DLG2: variants seen among roughly 807,000 people sequenced by gnomAD.
The protein encoded by DLG2 is disks large homolog 2.
Under a neutral mutation model 132.5 loss-of-function variants are expected in DLG2, and 45 were observed. That is an observed-to-expected ratio of 0.34 (90% CI 0.27 to 0.44). The LOEUF (loss-of-function observed/expected upper bound fraction) is 0.44. Among genes scored for constraint, DLG2 ranks in the 20% least tolerant of loss-of-function variants. The pLI is 1.00. For synonymous variants in DLG2, 424 were observed against 419.6 expected (o/e 1.01, Z -0.13); for missense variants, 1,045 against 1,196.9 (o/e 0.87, Z 1.87).
At chr11:83,713,921 T>C (rs2086080852) in intron 18 of DLG2, among the ~76,000 whole-genome samples, 1 of 152,188 alleles carries the variant, frequency 6.6e-6, no homozygotes, top group Non-Finnish European at 1.5e-5. Flanking sequence ...CAGATGTCTT[T>C]TCAGCAGAGA....
intron 7 of DLG2, among the ~76,000 whole-genome samples, chr11:84,456,023 A>G (rs118133382): frequency 1.5e-3 from 221 of 151,376 alleles, no homozygotes; most frequent in Non-Finnish European, 2.3e-3. Flanking sequence ...CATAACCCTC[A>G]TCAAGCAAGT....
chr11:85,066,849 C>T, intron 6 of DLG2, among the ~76,000 whole-genome samples: 1 of 151,726 alleles, frequency 6.6e-6, no homozygotes, highest in Non-Finnish European at 1.5e-5. Context: ...AAGTTGAAAG[C>T]ATTCTCCCTA....
chr11:84,368,328 T>A (rs1187047082), intron 7 of DLG2, among the ~76,000 whole-genome samples: 1 of 152,138 alleles, frequency 6.6e-6, no homozygotes, highest in African/African-American at 2.4e-5. Context: ...ATTCTTATAA[T>A]TCTCTCATCT....
intron 3 of DLG2, among the ~76,000 whole-genome samples, chr11:85,456,133 A>T (rs2092414588): frequency 6.6e-6 from 1 of 152,046 alleles, no homozygotes; most frequent in Non-Finnish European, 1.5e-5. Context: ...TAGGCTTTTT[A>T]TTACTGATTC....
At chr11:84,022,869 GC>G (rs2095434712) in intron 11 of DLG2, among the ~76,000 whole-genome samples, 1 of 152,096 alleles carries the variant, frequency 6.6e-6, no homozygotes, top group South Asian at 2.1e-4. Context: ...TCCTCAAGGA[GC>G]AATAAATCTC....
intron 3 of DLG2, among the ~76,000 whole-genome samples, chr11:85,418,374 A>T (rs924113265): frequency 2.0e-5 from 3 of 152,128 alleles, no homozygotes; most frequent in African/African-American, 4.8e-5. Flanking sequence ...TATGTGGTCA[A>T]TTTTAGAATA....
intron 7 of DLG2, among the ~76,000 whole-genome samples, chr11:84,303,899 T>C (rs888095136): frequency 5.9e-5 from 9 of 152,206 alleles, no homozygotes; most frequent in Non-Finnish European, 2.9e-5. Flanking sequence ...ACTGATTGAG[T>C]GCCTTTATAT....
At chr11:84,383,519 C>A (rs1183531629) in intron 7 of DLG2, among the ~76,000 whole-genome samples, 1 of 152,052 alleles carries the variant, frequency 6.6e-6, no homozygotes. Context: ...TTATATAAGA[C>A]ACACTTCTTA....
Position 84,989,443 on chromosome 11 carries a change from C to T in DLG2, c.357+122218G>A, listed in dbSNP as rs562791587. Among the ~76,000 whole-genome samples, 9 of 152,002 alleles carry T rather than the reference C, an allele frequency of 5.9e-5. 1 individual carries two copies. Among genetic ancestry groups the T allele is most frequent in the African/African-American group, 1.4e-4 (6 of 41,474 alleles). ...CACCCACCTTGGCCTCCCAAAGTGCCGGGATTACAGGCATGAGCCACCATG... is the reference window on the plus strand; with the variant it reads ...CACCCACCTTGGCCTCCCAAAGTGCTGGGATTACAGGCATGAGCCACCATG... On this transcript the variant is annotated intron_variant, in intron 6 of 27. Coordinates refer to ENST00000376104, the MANE Select transcript of DLG2 (RefSeq NM_001142699.3).
rs778920932 is a variant in DLG2, at chr11:84,535,954, C to CATATATATATATATATATATAT, written c.358-1224_358-1223insATATATATATATATATATATAT. Reference sequence around the variant, plus strand: ...CATCAATGGTTAATTTTTTCATATACATATATATATAAAACTTCTAGGACA... The same window carrying CATATATATATATATATATATAT: ...CATCAATGGTTAATTTTTTCATATACATATATATATATATATATATATATATATATATAAAACTTCTAGGACA... On this transcript the variant is annotated intron_variant, in intron 6 of 27. Coordinates refer to ENST00000376104, the MANE Select transcript of DLG2 (RefSeq NM_001142699.3). Among the ~76,000 whole-genome samples the CATATATATATATATATATATAT allele has an allele frequency of 1.7e-3, 251 of 144,440 alleles. 6 individuals carry two copies. The highest frequency in any genetic ancestry group is 5.5e-3 in the African/African-American group (210 of 38,186). The allele number at this position is 144,440 out of a possible 152,430, so 94.8% of individuals were successfully genotyped here.
At chr11:83,769,560 CT>C (rs143446772) in intron 18 of DLG2, among the ~76,000 whole-genome samples, 2,606 of 124,044 alleles carry the variant, frequency 0.021, 53 homozygotes, top group African/African-American at 0.063. Flanking sequence ...ACTCTAGCTT[CT>C]TTTTTTTTTT....
chr11:84,807,884 A>G (rs1418490468), intron 6 of DLG2, among the ~76,000 whole-genome samples: 2 of 152,188 alleles, frequency 1.3e-5, no homozygotes, highest in African/African-American at 4.8e-5. Flanking sequence ...ACAAATAGAC[A>G]AACACATAAT....
At chr11:85,295,336 T>C (rs889204204) in intron 3 of DLG2, among the ~76,000 whole-genome samples, 3 of 152,152 alleles carry the variant, frequency 2.0e-5, no homozygotes, top group Non-Finnish European at 4.4e-5. Context: ...CAATCTGTGA[T>C]TAAGTATTGG....
intron 7 of DLG2, among the ~76,000 whole-genome samples, chr11:84,365,266 T>C (rs534241303): frequency 6.6e-6 from 1 of 152,346 alleles, no homozygotes; most frequent in African/African-American, 2.4e-5. Context: ...GAGGAATTTA[T>C]CCATTTCTTC....
intron 8 of DLG2, among the ~76,000 whole-genome samples, chr11:84,174,111 C>T (rs571360383): frequency 7.2e-6 from 1 of 138,664 alleles, no homozygotes; most frequent in East Asian, 2.3e-4. Flanking sequence ...TAATTGTAAC[C>T]ATAATTTCCT....
chr11:84,427,881 C>G (rs1241199151), intron 7 of DLG2, among the ~76,000 whole-genome samples: 1 of 152,258 alleles, frequency 6.6e-6, no homozygotes, highest in African/African-American at 2.4e-5. Context: ...AGTTACCAGC[C>G]CTTCTGATAG....
chr11:84,676,213 T>C (rs1037065566), intron 6 of DLG2, among the ~76,000 whole-genome samples: 6 of 152,160 alleles, frequency 3.9e-5, no homozygotes, highest in African/African-American at 1.4e-4. Context: ...TGATGATGGG[T>C]TGGCTGTTTG....
chr11:84,776,284 T>A (rs2153898034), intron 6 of DLG2, among the ~76,000 whole-genome samples: 1 of 152,226 alleles, frequency 6.6e-6, no homozygotes, highest in Non-Finnish European at 1.5e-5. Flanking sequence ...CCTAAGTAGC[T>A]GGGGCCACAG....
intron 3 of DLG2, among the ~76,000 whole-genome samples, chr11:85,374,470 A>T (rs1217016373): frequency 6.6e-6 from 1 of 152,210 alleles, no homozygotes; most frequent in Non-Finnish European, 1.5e-5. Flanking sequence ...CTCCTGAGCT[A>T]TAAAGATACT....
Sources: allele counts gnomAD v4.1 joint callset (sites outside exome capture counted in the v4.1 genomes callset), GRCh38; gene constraint gnomAD v4.1.1; transcripts MANE v1.5; gene names NCBI Gene and HGNC (gene_info 2026-07-23, HGNC 2026-07-21).